Variants in PDE4A observed in about 807,000 individuals in gnomAD.
PDE4A encodes phosphodiesterase 4A.
In PDE4A, 21 loss-of-function variants were observed where a neutral mutation model predicts 73.9. That is an observed-to-expected ratio of 0.28 (90% CI 0.20 to 0.41). The LOEUF (loss-of-function observed/expected upper bound fraction) is 0.41, where lower values mean the gene tolerates loss of function less well. Ranked by LOEUF, PDE4A falls within the 10% of genes least tolerant of loss-of-function variation. PDE4A has a pLI of 1.00. For missense variants in PDE4A, 958 were observed against 1,211.4 expected, an observed-to-expected ratio of 0.79 and a Z score of 3.10; for synonymous variants, 463 against 505.4, an observed-to-expected ratio of 0.92 and a Z score of 1.13.
upstream of PDE4A, chr19:10,417,056 G>C: frequency 6.6e-7 from 1 of 1,518,864 alleles, no homozygotes; most frequent in Non-Finnish European, 8.8e-7. Flanking sequence ...GCGCCCTCTA[G>C]TGACCACGGC....
At position 10,469,440 on chromosome 19, in the gene PDE4A, C is replaced by G. The variant is rs2043439440; in HGVS notation, c.*1819C>G. ...GTTGGGGCTGGGCAGAGCCTGTCCC[C>G]TCCCCCCTTCTCCAGGAGCCAGGGG... On this transcript the variant is annotated 3_prime_UTR_variant, in exon 15 of 15. Transcript: ENST00000380702. 6.6e-6 allele frequency: 1 copy of G among 152,260 alleles called. No individual in the cohort carries two copies. The highest frequency in any genetic ancestry group is 1.5e-5 in the Non-Finnish European group (1 of 68,064). 9.4% of individuals were successfully genotyped at this position (152,260 alleles called of 1,614,324 possible).
intron 14 of PDE4A, 56 bp downstream of exon 14, chr19:10,464,031 T>G (rs2043323773): frequency 6.2e-7 from 1 of 1,604,620 alleles, no homozygotes; most frequent in African/African-American, 1.3e-5. Context: ...CAGCCCATCT[T>G]GGCCTGAAGT....
At chr19:10,423,041 G>A (rs544503226) in intron 1 of PDE4A, 20 of 926,532 alleles carry the variant, frequency 2.2e-5, no homozygotes, top group South Asian at 1.0e-4. Flanking sequence ...CTCACCCTCC[G>A]GCTCCATGCC....
rs567424183 is a variant in PDE4A at position 10,467,398 on chromosome 19, C to T, written c.2438C>T (p.Ala813Val). 5.0e-6 allele frequency: 8 copies of T among 1,614,022 alleles called. No individual in the cohort carries two copies. The African/African-American group carries it at 1.1e-4, about 22-fold the overall frequency. ...GCTGTAAGCCACAGCAGCCCCTCTG[C>T]CCTGGCTCTTCAAAGCCCCCTTCTC... ...VVAVSHSSPS[A>V]LALQSPLLPA... The change falls in exon 15 of 15, where the codon GCC becomes GTC. Residue 813 changes from alanine (A) to valine (V), a missense_variant. Coordinates refer to ENST00000380702, the MANE Select transcript of PDE4A (RefSeq NM_001111307.2).
chr19:10,450,612 G>A lies in PDE4A; in HGVS notation c.630G>A (p.Pro210=), dbSNP rs374222452. The part of the protein sequence containing the change: ...NVPVPSNKRS[P]LGGPTPVCKA... Reference sequence around the variant, plus strand: ...TTTTTTTTTTCTGCAGGCGGTCCCCGCTGGGCGGCCCCACCCCTGTCTGCA... The same window carrying A: ...TTTTTTTTTTCTGCAGGCGGTCCCCACTGGGCGGCCCCACCCCTGTCTGCA... The change falls in exon 5 of 15, where the codon CCG becomes CCA. Residue 210 remains proline, a synonymous_variant. Transcript: ENST00000380702. 12 of 1,605,502 alleles carry A rather than the reference G, an allele frequency of 7.5e-6. No individual in the cohort carries two copies. In the African/African-American group the frequency reaches 1.2e-4, roughly 16 times the overall value.
chr19:10,425,088 G>C (rs2042700345), intron 1 of PDE4A, among the ~76,000 whole-genome samples: 1 of 152,036 alleles, frequency 6.6e-6, no homozygotes, highest in African/African-American at 2.4e-5. Flanking sequence ...GCCGGGTATG[G>C]TGGCACACGT....
At position 10,461,085 on chromosome 19, in the gene PDE4A, C is replaced by T; in HGVS notation, c.1447C>T (p.Gln483Ter). ...TGTGGATCACCCTGGGGTCTCCAACCAGTTCCTCATCAACACCAGTGAGTG... is the reference window on the plus strand; with the variant it reads ...TGTGGATCACCCTGGGGTCTCCAACTAGTTCCTCATCAACACCAGTGAGTG... The part of the protein sequence containing the change: ...HDVDHPGVSN[Q>*]FLINTNSELA... The change falls in exon 11 of 15, where the codon CAG becomes TAG. Residue 483 changes from glutamine to a stop codon, truncating the protein, a stop_gained. Coordinates refer to ENST00000380702, the MANE Select transcript of PDE4A (RefSeq NM_001111307.2). LOFTEE classifies it high-confidence loss of function. The T allele has an allele frequency of 6.2e-7, 1 of 1,613,168 alleles. No individual in the cohort carries two copies. The highest frequency in any genetic ancestry group is 8.5e-7 in the Non-Finnish European group (1 of 1,179,282).
intron 1 of PDE4A, among the ~76,000 whole-genome samples, chr19:10,436,515 A>C (rs774019634): frequency 7.9e-5 from 12 of 152,086 alleles, no homozygotes; most frequent in Non-Finnish European, 1.0e-4. Context: ...AGATGGCGCC[A>C]CTGCACTACA....
At chr19:10,462,072 T>G in intron 13 of PDE4A, 73 bp downstream of exon 13, 1 of 1,243,132 alleles carries the variant, frequency 8.0e-7, no homozygotes, top group Non-Finnish European at 1.1e-6. Flanking sequence ...GGTAGCTAAC[T>G]GCCCCTTCCT....
At chr19:10,432,515 C>T in intron 1 of PDE4A, 2 of 1,525,128 alleles carry the variant, frequency 1.3e-6, no homozygotes, top group Admixed American at 2.1e-5. Context: ...AGTCCCTGAC[C>T]CACTTCCCCT....
At position 10,453,242 on chromosome 19, in the gene PDE4A, C is replaced by T. The variant is rs539801598; in HGVS notation, c.784-1587C>T. On this transcript the variant is annotated intron_variant, in intron 6 of 14. Coordinates refer to ENST00000380702, the MANE Select transcript of PDE4A (RefSeq NM_001111307.2). The surrounding 1 kb of genome is among the most constrained non-coding windows in gnomAD (Gnocchi z 4.6). ...AGCCCAGCCTCTGTGTGCAGCAGCCCCAGGCGGGCTAAGTCTCCAAGATGC... is the reference window on the plus strand; with the variant it reads ...AGCCCAGCCTCTGTGTGCAGCAGCCTCAGGCGGGCTAAGTCTCCAAGATGC... The T allele has an allele frequency of 2.5e-6, 4 of 1,606,922 alleles. No individual in the cohort carries two copies. Among genetic ancestry groups the T allele is most frequent in the East Asian group, 4.5e-5 (2 of 44,708 alleles).
Position 10,445,169 on chromosome 19 carries a change from G to A in PDE4A, c.321-1049G>A, listed in dbSNP as rs539587834. ...ACCTCATTCAGGTGTTTCCAAGCTC[G>A]CCCTGGTGGCCACTGAAGAAAGACT... On this transcript the variant is annotated intron_variant, in intron 1 of 14. Coordinates refer to ENST00000380702, the MANE Select transcript of PDE4A (RefSeq NM_001111307.2). 3.9e-5 allele frequency among the ~76,000 whole-genome samples: 6 copies of A among 152,258 alleles called. No individual in the cohort carries two copies. In the South Asian group the frequency reaches 6.2e-4, roughly 16 times the overall value.
chr19:10,446,483 G>T, intron 2 of PDE4A, 74 bp downstream of exon 2: 1 of 1,530,432 alleles, frequency 6.5e-7, no homozygotes, highest in Non-Finnish European at 8.8e-7. Context: ...CCAGCAGGGA[G>T]TCGGGGGGCA....
chr19:10,416,956 G>T (rs1433848649), upstream of PDE4A: 3 of 1,544,746 alleles, frequency 1.9e-6, no homozygotes, highest in East Asian at 2.4e-5. Flanking sequence ...AAGAGGAGTC[G>T]CAGTGCCCTG....
upstream of PDE4A, among the ~76,000 whole-genome samples, chr19:10,419,271 G>A (rs1295836837): frequency 8.6e-6 from 1 of 116,926 alleles, no homozygotes; most frequent in African/African-American, 3.2e-5. Context: ...CACTCCCCCC[G>A]CCCAGCAGCC....
At chr19:10,439,812 C>G (rs2042912463) in intron 1 of PDE4A, among the ~76,000 whole-genome samples, 1 of 151,924 alleles carries the variant, frequency 6.6e-6, no homozygotes, top group African/African-American at 2.4e-5. Context: ...GGAAACAGGA[C>G]ACGGGTAAAG....
intron 1 of PDE4A, chr19:10,430,862 C>T (rs1441528096): frequency 5.9e-6 from 8 of 1,348,276 alleles, no homozygotes; most frequent in Non-Finnish European, 7.6e-6. Flanking sequence ...GGCCGCGCGG[C>T]CTAGGCCGCA....
At chr19:10,416,802 G>C, upstream of PDE4A, 1 of 1,517,378 alleles carries the variant, frequency 6.6e-7, no homozygotes, top group Non-Finnish European at 8.8e-7. Flanking sequence ...CAATAGGCAA[G>C]TGGCGGGGGC....
chr19:10,422,428 T>G (rs765410810), intron 1 of PDE4A, among the ~76,000 whole-genome samples: 4 of 152,158 alleles, frequency 2.6e-5, no homozygotes, highest in Non-Finnish European at 4.4e-5. Flanking sequence ...TTCTTAGTTA[T>G]TGTTCCTCCT....
Sources: allele counts gnomAD v4.1 joint callset (sites outside exome capture counted in the v4.1 genomes callset), GRCh38; gene constraint gnomAD v4.1.1; non-coding constraint Gnocchi (gnomAD v3.1); transcripts MANE v1.5; gene names NCBI Gene and HGNC (gene_info 2026-07-23, HGNC 2026-07-21).